The following ITGB5 variants were observed in gnomAD, a reference collection of about 807,000 sequenced individuals.
ITGB5 encodes integrin subunit beta 5.
A neutral mutation model predicts 84.8 loss-of-function variants in ITGB5; 38 were observed. The ratio of observed to expected loss-of-function variants is 0.45; its 90% confidence interval spans 0.35 to 0.59. The LOEUF (loss-of-function observed/expected upper bound fraction) is 0.59, where lower values mean the gene tolerates loss of function less well. Ranked by LOEUF, ITGB5 falls within the 20% of genes least tolerant of loss-of-function variation. The pLI is 0.01. For synonymous variants in ITGB5, 393 were observed against 414.4 expected (o/e 0.95, Z 0.63); for missense variants, 905 against 1,034.5 (o/e 0.87, Z 1.72).
intron 5 of ITGB5, among the ~76,000 whole-genome samples, chr3:124,834,680 A>AGAAG (rs1010039345): frequency 6.7e-6 from 1 of 150,176 alleles, no homozygotes; most frequent in Non-Finnish European, 1.5e-5. Context: ...GAGGGAGGAA[A>AGAAG]GAAGGAAGGA....
chr3:124,778,316 T>C (rs2063953752), intron 10 of ITGB5, among the ~76,000 whole-genome samples: 1 of 152,224 alleles, frequency 6.6e-6, no homozygotes. Context: ...TTCAGCTGTA[T>C]AGAATTCAAC....
At chr3:124,893,808 G>A (rs530083336) in intron 1 of ITGB5, among the ~76,000 whole-genome samples, 1 of 152,138 alleles carries the variant, frequency 6.6e-6, no homozygotes, top group African/African-American at 2.4e-5. Flanking sequence ...GTTGAGAAAC[G>A]GAGTACCAAA....
rs369131315 is a variant in ITGB5 at position 124,785,394 on chromosome 3, C to T, written c.1693+10994G>A. On this transcript the variant is annotated intron_variant, in intron 10 of 14. Coordinates refer to ENST00000296181, the MANE Select transcript of ITGB5 (RefSeq NM_002213.5). ...GTCAGGAGTTCGAGACCAGTCTGGC[C>T]AACATAGTGAAACTCTGTCTCTACT... Among the ~76,000 whole-genome samples the T allele has an allele frequency of 1.6e-4, 25 of 151,686 alleles. No individual in the cohort carries two copies. The East Asian group carries it at 2.7e-3, about 16-fold the overall frequency.
intron 10 of ITGB5, among the ~76,000 whole-genome samples, chr3:124,789,388 C>A (rs4678158): frequency 2.9e-5 from 4 of 137,936 alleles, no homozygotes; most frequent in African/African-American, 8.6e-5. Context: ...TTAACAGAAC[C>A]GCCTCTGACT....
At chr3:124,867,501 G>C (rs1433323935) in intron 2 of ITGB5, among the ~76,000 whole-genome samples, 2 of 152,206 alleles carry the variant, frequency 1.3e-5, no homozygotes, top group Non-Finnish European at 2.9e-5. Context: ...CTCACAGGGA[G>C]CACTGATCCC....
At chr3:124,847,350 G>A (rs968983711) in intron 4 of ITGB5, among the ~76,000 whole-genome samples, 3 of 152,190 alleles carry the variant, frequency 2.0e-5, no homozygotes, top group Non-Finnish European at 4.4e-5. Context: ...CAACCTAGTA[G>A]AGGTTGTGTT....
chr3:124,782,191 G>A (rs1250156538), intron 10 of ITGB5, among the ~76,000 whole-genome samples: 2 of 152,190 alleles, frequency 1.3e-5, no homozygotes, highest in Admixed American at 6.5e-5. Flanking sequence ...ACCCTATGTT[G>A]TGGTACAATT....
At chr3:124,817,015 G>C (rs1383554773) in intron 8 of ITGB5, among the ~76,000 whole-genome samples, 1 of 152,114 alleles carries the variant, frequency 6.6e-6, no homozygotes, top group African/African-American at 2.4e-5. Context: ...AGGAGTTCAA[G>C]ATCAGACCAA....
chr3:124,771,206 T>TGAG (rs2063838475), intron 11 of ITGB5, among the ~76,000 whole-genome samples: 1 of 152,172 alleles, frequency 6.6e-6, no homozygotes, highest in Admixed American at 6.5e-5. Context: ...AGCTGGGTGT[T>TGAG]GAGTGTGAAC....
At chr3:124,895,487 A>C (rs1935084318) in intron 1 of ITGB5, among the ~76,000 whole-genome samples, 1 of 152,186 alleles carries the variant, frequency 6.6e-6, no homozygotes, top group African/African-American at 2.4e-5. Context: ...TGGCCTCCCA[A>C]AGTGCTGGGA....
chr3:124,796,483 C>CA lies in ITGB5; in HGVS notation c.1597dup (p.Cys533LeufsTer17). 1 of 1,614,164 alleles carries CA rather than the reference C, an allele frequency of 6.2e-7. No individual in the cohort carries two copies. Among genetic ancestry groups the CA allele is most frequent in the Non-Finnish European group, 8.5e-7 (1 of 1,180,036 alleles). On this transcript the variant is annotated frameshift_variant, in exon 10 of 15. Coordinates refer to ENST00000296181, the MANE Select transcript of ITGB5 (RefSeq NM_002213.5). LOFTEE classifies it high-confidence loss of function. The stretch of plus-strand genomic sequence containing the variant: ...GCCAAACTCGCTCTCGAAGCAGGAG[C>CA]ACTGGTTGCAGCTGCAGTCCCCACG...
chr3:124,777,726 C>T (rs1235420441), intron 10 of ITGB5, among the ~76,000 whole-genome samples: 1 of 152,240 alleles, frequency 6.6e-6, no homozygotes, highest in African/African-American at 2.4e-5. Flanking sequence ...GTCACAACTA[C>T]TGGGCCACCT....
upstream of ITGB5, among the ~76,000 whole-genome samples, chr3:124,891,757 T>G (rs904261314): frequency 2.6e-5 from 4 of 151,468 alleles, no homozygotes. Flanking sequence ...ACCCCATCTC[T>G]ACAAAAAAAT....
At chr3:124,811,648 T>C (rs901894011) in intron 8 of ITGB5, among the ~76,000 whole-genome samples, 1 of 152,068 alleles carries the variant, frequency 6.6e-6, no homozygotes, top group Non-Finnish European at 1.5e-5. Context: ...AACTAAGAAT[T>C]AGATGGAAAT....
rs141196770 is a variant in ITGB5, at chr3:124,796,776, G to C, written c.1305C>G (p.Ser435Arg). The part of the protein sequence containing the change: ...EVSLEARSCP[S>R]RHTEHVFALR... ...GGGCAAACACATGCTCCGTGTGTCT[G>C]CTGGGACAGCTTCGGGCCTCCAATG... Residue 435 changes from serine to arginine, a missense_variant, in exon 10 of 15, where the codon AGC becomes AGG. Physicochemically the swap from Ser to Arg is moderately radical, Grantham distance 110 (BLOSUM62 -1). Around this residue, in one of 3 missense-constraint regions of ITGB5, gnomAD observed 656 missense variants for 734.7 expected, o/e 0.89. Coordinates refer to ENST00000296181, the MANE Select transcript of ITGB5 (RefSeq NM_002213.5). 108 of 1,612,582 alleles carry C rather than the reference G, an allele frequency of 6.7e-5. No individual in the cohort carries two copies. In the African/African-American group the frequency reaches 1.2e-3, roughly 18 times the overall value.
intron 5 of ITGB5, among the ~76,000 whole-genome samples, chr3:124,837,308 A>G (rs138053043): frequency 1.3e-5 from 2 of 152,372 alleles, no homozygotes; most frequent in African/African-American, 2.4e-5. Flanking sequence ...AACAACTTAG[A>G]GTCAACTTCT....
intron 8 of ITGB5, chr3:124,809,511 A>G (rs777284962): frequency 4.6e-5 from 10 of 216,692 alleles, no homozygotes; most frequent in Admixed American, 1.0e-4. Flanking sequence ...CAGTTCCTCA[A>G]TCTTGCAGTG....
chr3:124,790,815 G>A (rs1186426641), intron 10 of ITGB5, among the ~76,000 whole-genome samples: 1 of 152,066 alleles, frequency 6.6e-6, no homozygotes, highest in African/African-American at 2.4e-5. Flanking sequence ...TAAAATAAAG[G>A]TGAGACGTAT....
chr3:124,848,960 A>G (rs1334530641), intron 3 of ITGB5, among the ~76,000 whole-genome samples: 1 of 151,792 alleles, frequency 6.6e-6, no homozygotes, highest in Non-Finnish European at 1.5e-5. Flanking sequence ...TTGCATTTTT[A>G]GTAGAGACGG....
Sources: gnomAD v4.1 joint callset for allele counts (sites outside exome capture counted in the v4.1 genomes callset) on GRCh38, gnomAD v4.1.1 for gene constraint, gnomAD v4.1.1 regional missense constraint, MANE v1.5 for transcripts, NCBI Gene and HGNC (gene_info 2026-07-23, HGNC 2026-07-21) for gene names.